Variants in HLCS observed in about 807,000 individuals in gnomAD.
The protein encoded by HLCS is holocarboxylase synthetase.
A neutral mutation model predicts 75.0 loss-of-function variants in HLCS; 53 were observed. The ratio of observed to expected loss-of-function variants is 0.71; its 90% CI spans 0.57 to 0.89. The LOEUF is 0.89. Among genes scored for constraint, HLCS ranks in the 40% least tolerant of loss-of-function variants. The pLI is 0.00. For synonymous variants in HLCS, 431 were observed against 428.6 expected (o/e 1.01, Z -0.07); for missense variants, 966 against 1,074.0 (o/e 0.90, Z 1.41).
Position 36,787,910 on chromosome 21 carries a change from C to G in HLCS, c.1893-20625G>C, listed in dbSNP as rs182944756. Among the ~76,000 whole-genome samples, 797 of 152,286 alleles carry G rather than the reference C, an allele frequency of 5.2e-3. 6 individuals carry two copies. Among genetic ancestry groups the G allele is most frequent in the African/African-American group, 0.018 (743 of 41,560 alleles). ...CCTGTGCCGATGACCAGACCCACCC[C>G]CTACCCACCAGCAGGGCTGCCAGGG... On this transcript the variant is annotated intron_variant, in intron 6 of 10. Transcript: ENST00000674895.
chr21:36,927,127 C>T (rs1239512293), intron 5 of HLCS, among the ~76,000 whole-genome samples: 3 of 152,170 alleles, frequency 2.0e-5, no homozygotes, highest in Non-Finnish European at 1.5e-5. Flanking sequence ...TGTCATTTTG[C>T]TGAGACCCAA....
intron 5 of HLCS, among the ~76,000 whole-genome samples, chr21:36,929,653 C>T (rs923422941): frequency 1.3e-5 from 2 of 152,158 alleles, no homozygotes; most frequent in Admixed American, 1.3e-4. Flanking sequence ...AATAATTTGT[C>T]ACAATGACTA....
chr21:36,787,924 G>A (rs1446074596), intron 6 of HLCS, among the ~76,000 whole-genome samples: 2 of 152,118 alleles, frequency 1.3e-5, no homozygotes, highest in African/African-American at 4.8e-5. Flanking sequence ...CCCACCAGCA[G>A]GGCTGCCAGG....
At chr21:36,839,942 T>C (rs921302182) in intron 6 of HLCS, among the ~76,000 whole-genome samples, 3 of 152,258 alleles carry the variant, frequency 2.0e-5, no homozygotes, top group African/African-American at 7.2e-5. Context: ...AGCTTATAAA[T>C]GGCCTACTTG....
intron 6 of HLCS, among the ~76,000 whole-genome samples, chr21:36,859,515 C>A (rs2063313392): frequency 6.6e-6 from 1 of 152,326 alleles, no homozygotes; most frequent in East Asian, 1.9e-4. Flanking sequence ...GAGAGGGGAG[C>A]AGGACAACTG....
intron 1 of HLCS, among the ~76,000 whole-genome samples, chr21:36,985,321 T>C: frequency 6.6e-6 from 1 of 152,266 alleles, no homozygotes; most frequent in Non-Finnish European, 1.5e-5. Context: ...TAGTCTTTCA[T>C]GACCTTGACA....
At chr21:36,834,331 G>T (rs995753829) in intron 6 of HLCS, among the ~76,000 whole-genome samples, 2 of 152,206 alleles carry the variant, frequency 1.3e-5, no homozygotes, top group Non-Finnish European at 2.9e-5. Context: ...GAGTCTGTGG[G>T]AGTGTGCATG....
chr21:36,984,100 A>G (rs2069181584), intron 1 of HLCS, among the ~76,000 whole-genome samples: 1 of 152,096 alleles, frequency 6.6e-6, no homozygotes, highest in African/African-American at 2.4e-5. Flanking sequence ...TTGCCTCACA[A>G]AGCCCTAGAA....
Position 36,962,067 on chromosome 21 carries a change from T to A in HLCS, c.299A>T (p.Glu100Val). The change falls in exon 2 of 11, where the codon GAG (glutamate) becomes GTG (valine). Residue 100 changes from glutamate to valine, a missense_variant. Coordinates refer to ENST00000674895, the MANE Select transcript of HLCS (RefSeq NM_001352514.2). ...TGAAGAGGATGATCTCTGTAAATTC[T>A]CACTTTGTACCCAAATGCTCTCCGT... ...FVTESIWVQS[E>V]NLQRSSSSET... 5 of 1,289,530 alleles carry A rather than the reference T, an allele frequency of 3.9e-6. No individual in the cohort carries two copies. The highest frequency in any genetic ancestry group is 5.1e-6 in the Non-Finnish European group (5 of 988,690). The allele number at this position is 1,289,530 out of a possible 1,614,324, so 79.9% of individuals were successfully genotyped here. A position where few individuals can be genotyped will look rare whatever the true frequency, so the allele number is the denominator to read the frequency against.
At chr21:36,894,203 G>A (rs377385994) in intron 6 of HLCS, among the ~76,000 whole-genome samples, 4 of 152,136 alleles carry the variant, frequency 2.6e-5, no homozygotes, top group African/African-American at 9.7e-5. Flanking sequence ...TGCAACGATT[G>A]TAAGTTTCCT....
chr21:36,896,373 G>C (rs572742364), intron 6 of HLCS, among the ~76,000 whole-genome samples: 1 of 152,306 alleles, frequency 6.6e-6, no homozygotes, highest in Admixed American at 6.5e-5. Context: ...ATGAATAAAT[G>C]TATTGGATAG....
intron 5 of HLCS, among the ~76,000 whole-genome samples, chr21:36,918,493 G>C (rs998089780): frequency 6.6e-6 from 1 of 152,198 alleles, no homozygotes; most frequent in African/African-American, 2.4e-5. Context: ...AATCTGCTGA[G>C]CAGCTGCTCT....
intron 1 of HLCS, among the ~76,000 whole-genome samples, chr21:36,965,565 G>A (rs73901979): frequency 6.6e-6 from 1 of 152,132 alleles, no homozygotes; most frequent in Non-Finnish European, 1.5e-5. Context: ...AACAAAGGCT[G>A]ACTGTCAACT....
chr21:36,860,897 T>G (rs2063360937), intron 6 of HLCS, among the ~76,000 whole-genome samples: 1 of 152,240 alleles, frequency 6.6e-6, no homozygotes, highest in Non-Finnish European at 1.5e-5. Context: ...TTAGAAATTA[T>G]CACTCAATCA....
At chr21:36,815,764 T>C (rs1485322205) in intron 6 of HLCS, among the ~76,000 whole-genome samples, 3 of 152,190 alleles carry the variant, frequency 2.0e-5, no homozygotes, top group Non-Finnish European at 4.4e-5. Flanking sequence ...AGAAAAGTTG[T>C]TCTAGTTCAG....
chr21:36,939,672 C>G (rs1209518571), intron 2 of HLCS, among the ~76,000 whole-genome samples: 2 of 152,142 alleles, frequency 1.3e-5, no homozygotes, highest in Non-Finnish European at 2.9e-5. Context: ...GCTTAGCCTT[C>G]CAGTTCTTAC....
In HLCS at chr21:36,936,500, C is replaced by T; in HGVS notation, c.1386G>A (p.Met462Ile). ...GAGTTCCAAAAGGCACATGCACAAT[C>T]ATCCTGTCCTTGTCCTCATTCTCCA... The part of the protein sequence containing the change: ...GHLENEDKDR[M>I]IVHVPFGTRG... The change falls in exon 4 of 11, where the codon ATG (methionine) becomes ATA (isoleucine). Residue 462 changes from methionine (M) to isoleucine (I), a missense_variant. Met to Ile is a conservative substitution (Grantham distance 10). Coordinates refer to ENST00000674895, the MANE Select transcript of HLCS (RefSeq NM_001352514.2). 6.2e-7 allele frequency: 1 copy of T among 1,614,238 alleles called. No individual in the cohort carries two copies. The highest frequency in any genetic ancestry group is 8.5e-7 in the Non-Finnish European group (1 of 1,180,036).
chr21:36,932,284 A>T (rs1009029902), intron 4 of HLCS, among the ~76,000 whole-genome samples: 4 of 152,128 alleles, frequency 2.6e-5, no homozygotes, highest in Non-Finnish European at 5.9e-5. Context: ...ATGGGAACTG[A>T]CTTCTTGTTT....
chr21:36,780,453 C>T (rs567974707), intron 6 of HLCS, among the ~76,000 whole-genome samples: 54 of 152,052 alleles, frequency 3.6e-4, no homozygotes, highest in South Asian at 1.0e-3. Context: ...CTCCTGACCT[C>T]GTGATCCGCC....
Sources: allele counts gnomAD v4.1 joint callset (sites outside exome capture counted in the v4.1 genomes callset), GRCh38; gene constraint gnomAD v4.1.1; transcripts MANE v1.5; gene names NCBI Gene and HGNC (gene_info 2026-07-23, HGNC 2026-07-21).